The following SEC24A variants were observed in gnomAD, a reference collection of about 807,000 sequenced individuals.
SEC24A encodes SEC24 homolog A, COPII component.
SEC24A carries 93 observed loss-of-function variants against 129.4 expected under a neutral mutation model. The observed-to-expected ratio is 0.72, with a 90% CI of 0.61 to 0.85. The LOEUF is 0.85. Ranked by LOEUF, SEC24A falls within the 40% of genes least tolerant of loss-of-function variation. The probability of loss-of-function intolerance (pLI) is 0.00; values close to 1 mark genes in which losing one functional copy is unlikely to be tolerated. For synonymous variants in SEC24A, 460 were observed against 467.3 expected, an observed-to-expected ratio of 0.98 and a Z score of 0.20; for missense variants, 1,264 against 1,307.4, an observed-to-expected ratio of 0.97 and a Z score of 0.51.
chr5:134,664,792 C>CTTTTTTTTTTTTTTTT (rs70976552), intron 2 of SEC24A, among the ~76,000 whole-genome samples: 1 of 86,192 alleles, frequency 1.2e-5, no homozygotes. Flanking sequence ...TTTTCTTTTT[C>CTTTTTTTTTTTTTTTT]TTTTTTTTTT....
intron 11 of SEC24A, among the ~76,000 whole-genome samples, chr5:134,689,482 G>C (rs1230538062): frequency 6.6e-6 from 1 of 152,206 alleles, no homozygotes; most frequent in Non-Finnish European, 1.5e-5. Flanking sequence ...GTATAATGGG[G>C]CCGAGTGCGG....
At chr5:134,723,421 G>A (rs1296795815) in intron 21 of SEC24A, 146 bp from the exon 22 acceptor site, 1 of 549,836 alleles carries the variant, frequency 1.8e-6, no homozygotes, top group Non-Finnish European at 3.2e-6. Flanking sequence ...CCATGATTAT[G>A]CCACTGCACT....
At chr5:134,667,680 A>AC (rs1561806686) in intron 3 of SEC24A, among the ~76,000 whole-genome samples, 2 of 151,616 alleles carry the variant, frequency 1.3e-5, no homozygotes, top group African/African-American at 4.8e-5. Flanking sequence ...AAAAAAAAAA[A>AC]AACAAGATAT....
At chr5:134,700,307 A>G (rs1751967176) in intron 15 of SEC24A, among the ~76,000 whole-genome samples, 1 of 151,346 alleles carries the variant, frequency 6.6e-6, no homozygotes, top group Non-Finnish European at 1.5e-5. Flanking sequence ...TGCAGCCTCA[A>G]CTCCTGGGCT....
At chr5:134,659,795 G>A (rs1333493767) in intron 1 of SEC24A, among the ~76,000 whole-genome samples, 5 of 151,946 alleles carry the variant, frequency 3.3e-5, no homozygotes, top group African/African-American at 1.2e-4. Context: ...GGGACTTACA[G>A]GCAGGCGCCA....
chr5:134,701,148 A>G (rs1751996760), intron 15 of SEC24A: 1 of 152,162 alleles, frequency 6.6e-6, no homozygotes, highest in African/African-American at 2.4e-5. Flanking sequence ...TGCCTGGCCT[A>G]GTTTTTATTT....
intron 7 of SEC24A, among the ~76,000 whole-genome samples, 176 bp downstream of exon 7, chr5:134,676,301 G>A (rs923581421): frequency 6.6e-6 from 1 of 151,786 alleles, no homozygotes; most frequent in African/African-American, 2.4e-5. Flanking sequence ...CACCGTGCCT[G>A]GCTAATTTTT....
chr5:134,696,008 T>C (rs187469979), intron 13 of SEC24A, among the ~76,000 whole-genome samples: 2,245 of 151,024 alleles, frequency 0.015, 71 homozygotes, highest in Admixed American at 0.079. Context: ...GGCTCACACC[T>C]GTAATCCCAG....
chr5:134,661,424 C>G lies in SEC24A; in HGVS notation c.403C>G (p.Pro135Ala), dbSNP rs1561803014. Reference sequence around the variant, plus strand: ...TCTTCCTGAAGCCAACCTGCCACCACCTTTGAATTGGCAATATAACTATCC... The same window carrying G: ...TCTTCCTGAAGCCAACCTGCCACCAGCTTTGAATTGGCAATATAACTATCC... ...SFLPEANLPPPLNWQYNYPST... is the reference protein window; with the variant it reads ...SFLPEANLPPALNWQYNYPST... Residue 135 changes from proline to alanine, a missense_variant, in exon 2 of 23, where the codon CCT (proline) becomes GCT (alanine). Pro to Ala is a conservative substitution (Grantham distance 27, BLOSUM62 -1). Coordinates refer to ENST00000398844, the MANE Select transcript of SEC24A (RefSeq NM_021982.3). 3 of 1,614,074 alleles carry G rather than the reference C, an allele frequency of 1.9e-6. No individual in the cohort carries two copies. The highest frequency in any genetic ancestry group is 1.7e-6 in the Non-Finnish European group (2 of 1,180,042).
In SEC24A at chr5:134,723,020, G is replaced by T. The variant is rs145844764; in HGVS notation, c.3064-547G>T. 4.8e-3 allele frequency among the ~76,000 whole-genome samples: 737 copies of T among 152,228 alleles called. 3 individuals are homozygous for T. The highest frequency in any genetic ancestry group is 0.017 in the African/African-American group (706 of 41,532). ...AAATACAAAAATTACCTGGCAGGTG[G>T]CACACGCCTCTTATTCCAGCTACTT... On this transcript the variant is annotated intron_variant, in intron 21 of 22. Transcript: ENST00000398844.
At chr5:134,655,966 T>C (rs190777431) in intron 1 of SEC24A, among the ~76,000 whole-genome samples, 1 of 152,188 alleles carries the variant, frequency 6.6e-6, no homozygotes, top group Non-Finnish European at 1.5e-5. Context: ...TTTTTCTTAC[T>C]CTTATATACT....
intron 18 of SEC24A, among the ~76,000 whole-genome samples, chr5:134,714,041 CA>C (rs1029918191): frequency 6.3e-5 from 9 of 141,850 alleles, no homozygotes; most frequent in African/African-American, 1.8e-4. Context: ...GGCTCCGTCA[CA>C]AAAAAAAAAC....
chr5:134,652,970 ATTT>A (rs776491776), intron 1 of SEC24A, among the ~76,000 whole-genome samples: 2 of 119,272 alleles, frequency 1.7e-5, no homozygotes, highest in African/African-American at 3.1e-5. Flanking sequence ...AATTTTTTGT[ATTT>A]TTTTTTTTTT....
chr5:134,721,048 A>G lies in SEC24A; in HGVS notation c.3021A>G (p.Gln1007=). ...GKNCTQNFLS[Q]VLGVQNYASI... ...ATTGTACACAGAATTTTCTCAGCCA[A>G]GTTCTAGGAGTTCAAAACTATGCAT... Residue 1007 remains glutamine, a synonymous_variant, in exon 21 of 23, where the codon CAA becomes CAG. Transcript: ENST00000398844. The G allele has an allele frequency of 1.9e-6, 3 of 1,612,836 alleles. No homozygotes were observed. Among genetic ancestry groups the G allele is most frequent in the Non-Finnish European group, 8.5e-7 (1 of 1,178,900 alleles).
At chr5:134,684,571 G>T (rs925272752) in intron 9 of SEC24A, among the ~76,000 whole-genome samples, 1 of 151,876 alleles carries the variant, frequency 6.6e-6, no homozygotes, top group African/African-American at 2.4e-5. Context: ...AAGTTAGCCA[G>T]ATGTGGTGAC....
intron 4 of SEC24A, among the ~76,000 whole-genome samples, chr5:134,673,056 T>TG (rs1403535626): frequency 6.7e-6 from 1 of 149,162 alleles, no homozygotes; most frequent in Admixed American, 6.7e-5. Context: ...TTAGGATTTT[T>TG]TTTTTTTTTT....
At chr5:134,684,902 C>T (rs1267516552) in intron 9 of SEC24A, among the ~76,000 whole-genome samples, 1 of 152,102 alleles carries the variant, frequency 6.6e-6, no homozygotes, top group Non-Finnish European at 1.5e-5. Context: ...AATTTAGAAA[C>T]TTTCCTATAG....
At chr5:134,704,467 C>A (rs1446788344) in intron 16 of SEC24A, among the ~76,000 whole-genome samples, 1 of 152,086 alleles carries the variant, frequency 6.6e-6, no homozygotes, top group Admixed American at 6.6e-5. Flanking sequence ...GATCCCTGTT[C>A]ATTTAGTAAT....
chr5:134,723,542 G>A (rs376477413), intron 21 of SEC24A, 25 bp from the exon 22 acceptor site: 36 of 1,324,636 alleles, frequency 2.7e-5, no homozygotes, highest in African/African-American at 4.3e-5. Flanking sequence ...TAAAGTAATT[G>A]GATATTGTTG....
Sources: gnomAD v4.1 joint callset for allele counts (sites outside exome capture counted in the v4.1 genomes callset) on GRCh38, gnomAD v4.1.1 for gene constraint, MANE v1.5 for transcripts, NCBI Gene and HGNC (gene_info 2026-07-23, HGNC 2026-07-21) for gene names.